The following KLHL29 variants were observed in gnomAD, a reference collection of about 807,000 sequenced individuals.
KLHL29 encodes the protein kelch-like protein 29.
KLHL29 carries 21 observed loss-of-function variants against 80.4 expected under a neutral mutation model. The ratio of observed to expected loss-of-function variants is 0.26; its 90% confidence interval spans 0.19 to 0.38. The LOEUF (loss-of-function observed/expected upper bound fraction) is 0.38. Ranked by LOEUF, KLHL29 falls within the 10% of genes least tolerant of loss-of-function variation. The pLI is 1.00. For missense variants in KLHL29, 867 were observed against 1,223.9 expected (o/e 0.71, Z 4.35); for synonymous variants, 511 against 526.8 (o/e 0.97, Z 0.41).
rs140252120 is a variant in KLHL29 at position 23,401,270 on chromosome 2, G to A, written c.-154+15490G>A. On this transcript the variant is annotated intron_variant, in intron 1 of 13. Coordinates refer to ENST00000486442, the MANE Select transcript of KLHL29 (RefSeq NM_052920.2). ...AACCTCATGAAGCAGACAGAATTTG[G>A]GGGCCCTCCAAGAGAAAAAGTATTT... is the stretch of plus-strand genomic sequence containing the variant. Among the ~76,000 whole-genome samples, 597 of 152,264 alleles carry A rather than the reference G, an allele frequency of 3.9e-3. 3 individuals are homozygous for A. The highest frequency in any genetic ancestry group is 6.8e-3 in the Non-Finnish European group (460 of 68,012).
At chr2:23,662,367 G>A (rs899301220) in intron 5 of KLHL29, among the ~76,000 whole-genome samples, 12 of 152,206 alleles carry the variant, frequency 7.9e-5, no homozygotes, top group Non-Finnish European at 1.5e-4. Context: ...GCAGGGCCAC[G>A]TCGTGTTCTG....
chr2:23,500,465 G>A (rs1665407302), intron 2 of KLHL29, among the ~76,000 whole-genome samples: 1 of 152,196 alleles, frequency 6.6e-6, no homozygotes, highest in Non-Finnish European at 1.5e-5. Flanking sequence ...TGTAGGTCTA[G>A]AAGTCAAGAC....
chr2:23,450,837 C>T (rs1288362798), intron 1 of KLHL29, among the ~76,000 whole-genome samples: 2 of 152,174 alleles, frequency 1.3e-5, no homozygotes, highest in Non-Finnish European at 2.9e-5. Flanking sequence ...ATCCCTATGG[C>T]TTATATTAGA....
intron 1 of KLHL29, among the ~76,000 whole-genome samples, chr2:23,442,293 G>A (rs984149337): frequency 1.3e-5 from 2 of 152,042 alleles, no homozygotes; most frequent in Admixed American, 6.6e-5. Context: ...GGGTCTCCCT[G>A]TGTTGCCCCA....
chr2:23,481,517 C>T (rs1342153961), intron 2 of KLHL29, among the ~76,000 whole-genome samples: 4 of 151,468 alleles, frequency 2.6e-5, no homozygotes, highest in African/African-American at 9.7e-5. Flanking sequence ...GGGTAGGAGC[C>T]TCCTGTTTCC....
At chr2:23,648,116 G>A (rs1457121362) in intron 5 of KLHL29, among the ~76,000 whole-genome samples, 3 of 151,754 alleles carry the variant, frequency 2.0e-5, no homozygotes, top group Admixed American at 2.0e-4. Flanking sequence ...GTCACCCCCC[G>A]ACACCTGACC....
Position 23,680,123 on chromosome 2 carries a change from C to G in KLHL29, c.941-4276C>G, listed in dbSNP as rs1177372700. 1.3e-5 allele frequency among the ~76,000 whole-genome samples: 2 copies of G among 152,124 alleles called. No individual in the cohort carries two copies. The highest frequency in any genetic ancestry group is 4.8e-5 in the African/African-American group (2 of 41,424). On this transcript the variant is annotated intron_variant, in intron 5 of 13. Transcript: ENST00000486442. The surrounding 1 kb of genome is among the most constrained non-coding windows in gnomAD (Gnocchi z 4.1). Reference sequence around the variant, plus strand: ...GGACAGGCTGGAAACAGGGAGACATCCTCAGAGGCTGTTGCAGTGACTCAA... The same window carrying G: ...GGACAGGCTGGAAACAGGGAGACATGCTCAGAGGCTGTTGCAGTGACTCAA...
intron 2 of KLHL29, among the ~76,000 whole-genome samples, chr2:23,513,467 G>T (rs1236721206): frequency 1.3e-5 from 2 of 152,222 alleles, no homozygotes; most frequent in Non-Finnish European, 2.9e-5. Flanking sequence ...GTCCAGGAGA[G>T]AAGGGACCGC....
intron 1 of KLHL29, among the ~76,000 whole-genome samples, chr2:23,400,074 G>A (rs971802653): frequency 1.3e-5 from 2 of 152,208 alleles, no homozygotes; most frequent in African/African-American, 2.4e-5. Context: ...CAAGTTTTCG[G>A]TGCTGGGGGT....
At chr2:23,677,320 G>C (rs992212546) in intron 5 of KLHL29, among the ~76,000 whole-genome samples, 5 of 152,202 alleles carry the variant, frequency 3.3e-5, no homozygotes, top group African/African-American at 9.6e-5. Flanking sequence ...TAGTGGGTGA[G>C]GTTGTAACTG....
At chr2:23,558,727 C>T (rs543822458) in intron 2 of KLHL29, among the ~76,000 whole-genome samples, 105 of 152,376 alleles carry the variant, frequency 6.9e-4, no homozygotes, top group African/African-American at 2.3e-3. Flanking sequence ...TTTCTTACTC[C>T]AGCACCTACG....
At chr2:23,450,291 A>G (rs941273284) in intron 1 of KLHL29, among the ~76,000 whole-genome samples, 1 of 152,094 alleles carries the variant, frequency 6.6e-6, no homozygotes, top group Non-Finnish European at 1.5e-5. Flanking sequence ...CCAGGCCGAG[A>G]TGGTTCACCC....
At chr2:23,397,938 A>G (rs1422065119) in intron 1 of KLHL29, among the ~76,000 whole-genome samples, 6 of 152,352 alleles carry the variant, frequency 3.9e-5, no homozygotes, top group Non-Finnish European at 8.8e-5. Context: ...TAACGTGACT[A>G]TAAACAACAA....
chr2:23,701,909 T>C (rs1672410448), intron 11 of KLHL29, among the ~76,000 whole-genome samples: 1 of 149,048 alleles, frequency 6.7e-6, no homozygotes, highest in African/African-American at 2.5e-5. Flanking sequence ...CAAGCAGTTC[T>C]TCTGCCTCAG....
At chr2:23,566,640 C>T (rs1169289378) in intron 3 of KLHL29, among the ~76,000 whole-genome samples, 1 of 152,242 alleles carries the variant, frequency 6.6e-6, no homozygotes, top group Non-Finnish European at 1.5e-5. Context: ...CTAAGAGCTT[C>T]AAGCTTTTGA....
At chr2:23,595,387 A>G (rs1042643006) in intron 3 of KLHL29, among the ~76,000 whole-genome samples, 4 of 152,366 alleles carry the variant, frequency 2.6e-5, no homozygotes, top group African/African-American at 9.6e-5. Flanking sequence ...TAACTTGCCC[A>G]AGATCACTCA....
At chr2:23,652,930 G>A (rs1670124775) in intron 5 of KLHL29, among the ~76,000 whole-genome samples, 1 of 151,946 alleles carries the variant, frequency 6.6e-6, no homozygotes, top group African/African-American at 2.4e-5. Context: ...GCAGCTTTTT[G>A]CCCCTAACTT....
chr2:23,588,838 A>G (rs1004421521), intron 3 of KLHL29, among the ~76,000 whole-genome samples: 4 of 152,136 alleles, frequency 2.6e-5, no homozygotes, highest in Non-Finnish European at 5.9e-5. Flanking sequence ...CCCGGAAGAC[A>G]AGTCTCACCC....
chr2:23,520,992 ACCC>A (rs33915683), intron 2 of KLHL29, among the ~76,000 whole-genome samples: 1 of 91,142 alleles, frequency 1.1e-5, no homozygotes, highest in African/African-American at 3.6e-5. Context: ...TACAAAGACC[ACCC>A]CCCCCCCCGC....
Sources: gnomAD v4.1 joint callset for allele counts (sites outside exome capture counted in the v4.1 genomes callset) on GRCh38, gnomAD v4.1.1 for gene constraint, Gnocchi (gnomAD v3.1) non-coding constraint, MANE v1.5 for transcripts, NCBI Gene and HGNC (gene_info 2026-07-23, HGNC 2026-07-21) for gene names.